Variants in GOLM2 observed in about 807,000 individuals in gnomAD.
GOLM2 encodes protein GOLM2.
A neutral mutation model predicts 55.9 loss-of-function variants in GOLM2; 26 were observed. The ratio of observed to expected loss-of-function variants is 0.47; its 90% CI spans 0.34 to 0.65. The LOEUF (loss-of-function observed/expected upper bound fraction) is 0.65. Among genes scored for constraint, GOLM2 ranks in the 30% least tolerant of loss-of-function variants. The pLI, the probability that GOLM2 is intolerant of heterozygous loss-of-function variation, is 0.01. For synonymous variants in GOLM2, 165 were observed against 194.6 expected (o/e 0.85, Z 1.27); for missense variants, 486 against 531.8 (o/e 0.91, Z 0.85).
At chr15:44,404,310 A>G (rs2079584073) in intron 9 of GOLM2, among the ~76,000 whole-genome samples, 3 of 152,122 alleles carry the variant, frequency 2.0e-5, no homozygotes, top group Non-Finnish European at 4.4e-5. Flanking sequence ...GTTCTAGAAA[A>G]TTATATGGTT....
At position 44,414,201 on chromosome 15, in the gene GOLM2, G is replaced by A. The variant is rs1263035327; in HGVS notation, c.*795G>A. On this transcript the variant is annotated 3_prime_UTR_variant, in exon 10 of 10. Coordinates refer to ENST00000299957, the MANE Select transcript of GOLM2 (RefSeq NM_138423.4). ...ATCTACCCCTCATTTCACGCTCAAG[G>A]AGTCATACCTAGAATAGTTACACAC... is the stretch of plus-strand genomic sequence containing the variant. 6.6e-6 allele frequency: 1 copy of A among 152,114 alleles called. No individual in the cohort carries two copies. The highest frequency in any genetic ancestry group is 1.5e-5 in the Non-Finnish European group (1 of 68,058). The allele number at this position is 152,114 out of a possible 1,614,324, so 9.4% of individuals were successfully genotyped here.
At chr15:44,379,226 C>G (rs1416656243) in intron 6 of GOLM2, among the ~76,000 whole-genome samples, 1 of 152,108 alleles carries the variant, frequency 6.6e-6, no homozygotes, top group Non-Finnish European at 1.5e-5. Context: ...CCTATAATCC[C>G]AGCACTTTGG....
intron 8 of GOLM2, among the ~76,000 whole-genome samples, chr15:44,391,868 G>C (rs2079492400): frequency 6.6e-6 from 1 of 151,772 alleles, no homozygotes; most frequent in African/African-American, 2.4e-5. Context: ...ATTTATTTTT[G>C]AGATGGAGTT....
chr15:44,289,412 G>A lies in GOLM2; in HGVS notation c.327+56G>A. ...ATGGTTTCTTTTCTCCCCGGGGTCT[G>A]GGGCGGGATGTTAATCCGCTAGCTG... is the stretch of plus-strand genomic sequence containing the variant. On this transcript the variant is annotated intron_variant, in intron 1 of 9. Transcript: ENST00000299957. This position sits in a 1 kb window ranked among gnomAD's most constrained non-coding sequence, Gnocchi z 4.8. The A allele has an allele frequency of 6.7e-7, 1 of 1,482,160 alleles. No homozygotes were observed. Among genetic ancestry groups the A allele is most frequent in the East Asian group, 2.4e-5 (1 of 41,418 alleles). The allele number at this position is 1,482,160 out of a possible 1,614,324, so 91.8% of individuals were successfully genotyped here. A position where few individuals can be genotyped will look rare whatever the true frequency, so the allele number is the denominator to read the frequency against.
At chr15:44,322,904 A>G in intron 1 of GOLM2, 61 bp from the exon 2 acceptor site, 1 of 1,239,506 alleles carries the variant, frequency 8.1e-7, no homozygotes, top group African/African-American at 1.5e-5. Flanking sequence ...GTGAATATGA[A>G]CCAAAAAAAT....
intron 8 of GOLM2, among the ~76,000 whole-genome samples, chr15:44,395,542 A>G (rs1158430085): frequency 1.3e-5 from 2 of 151,832 alleles, no homozygotes; most frequent in Non-Finnish European, 2.9e-5. Flanking sequence ...TTTACCAACA[A>G]TTTAAAACTA....
In GOLM2 at chr15:44,363,157, C is replaced by T. The variant is rs1471234633; in HGVS notation, c.803-16533C>T. Among the ~76,000 whole-genome samples, 6 of 152,118 alleles carry T rather than the reference C, an allele frequency of 3.9e-5. 1 individual carries two copies. The East Asian group carries it at 1.2e-3, about 29-fold the overall frequency. ...GGCAAGGACTTCATGTCTAAAACAC[C>T]AAAAGCAATGGCAACAAAAGCCAAA... On this transcript the variant is annotated intron_variant, in intron 6 of 9. Coordinates refer to ENST00000299957, the MANE Select transcript of GOLM2 (RefSeq NM_138423.4).
Position 44,370,915 on chromosome 15 carries a change from C to T in GOLM2, c.803-8775C>T, listed in dbSNP as rs181324623. Among the ~76,000 whole-genome samples, 9 of 152,284 alleles carry T rather than the reference C, an allele frequency of 5.9e-5. No homozygotes were observed. In the East Asian group the frequency reaches 1.7e-3, roughly 29 times the overall value. Reference sequence around the variant, plus strand: ...AGCTCAAGTGATCTCCCACCTTGGCCTCCCAAAGCACTGGGATTGCAGGGA... The same window carrying T: ...AGCTCAAGTGATCTCCCACCTTGGCTTCCCAAAGCACTGGGATTGCAGGGA... On this transcript the variant is annotated intron_variant, in intron 6 of 9. Coordinates refer to ENST00000299957, the MANE Select transcript of GOLM2 (RefSeq NM_138423.4).
intron 6 of GOLM2, among the ~76,000 whole-genome samples, chr15:44,356,714 A>G (rs2079200548): frequency 6.6e-6 from 1 of 152,224 alleles, no homozygotes; most frequent in African/African-American, 2.4e-5. Context: ...AATTCATTCT[A>G]TGATGCCATT....
At chr15:44,295,989 T>G (rs1436495080) in intron 1 of GOLM2, among the ~76,000 whole-genome samples, 1 of 151,630 alleles carries the variant, frequency 6.6e-6, no homozygotes, top group East Asian at 1.9e-4. Flanking sequence ...AAGTCCTTAT[T>G]TCTCTTTCCT....
rs532792917 is a variant in GOLM2 at position 44,347,910 on chromosome 15, C to G, written c.802+9593C>G. On this transcript the variant is annotated intron_variant, in intron 6 of 9. Coordinates refer to ENST00000299957, the MANE Select transcript of GOLM2 (RefSeq NM_138423.4). ...GGGTACCAAGTAGAGTTGTGAGACC[C>G]CTATTCCAGGCCCTAGATGCCTATA... 1.7e-3 allele frequency among the ~76,000 whole-genome samples: 255 copies of G among 152,228 alleles called. 1 individual carries two copies. Among genetic ancestry groups the G allele is most frequent in the African/African-American group, 5.9e-3 (247 of 41,540 alleles).
chr15:44,369,723 CAT>C (rs751103758), intron 6 of GOLM2, among the ~76,000 whole-genome samples: 13 of 140,544 alleles, frequency 9.2e-5, no homozygotes, highest in African/African-American at 3.1e-4. Flanking sequence ...CACACACACA[CAT>C]ATATATATAA....
intron 8 of GOLM2, among the ~76,000 whole-genome samples, chr15:44,382,625 C>A (rs1023244630): frequency 2.0e-5 from 3 of 152,010 alleles, no homozygotes; most frequent in Non-Finnish European, 4.4e-5. Flanking sequence ...CTGCTCCCGG[C>A]CAAGATTTTC....
At position 44,377,007 on chromosome 15, in the gene GOLM2, C is replaced by T. The variant is rs192305804; in HGVS notation, c.803-2683C>T. Among the ~76,000 whole-genome samples the T allele has an allele frequency of 4.9e-4, 74 of 152,224 alleles. No homozygotes were observed. In the East Asian group the frequency reaches 0.013, roughly 26 times the overall value. On this transcript the variant is annotated intron_variant, in intron 6 of 9. Coordinates refer to ENST00000299957, the MANE Select transcript of GOLM2 (RefSeq NM_138423.4). Reference sequence around the variant, plus strand: ...TAGAAATCAAAGTGTTTACAGGATACACACTGCTTTTTCTTATGTCAGTAA... The same window carrying T: ...TAGAAATCAAAGTGTTTACAGGATATACACTGCTTTTTCTTATGTCAGTAA...
chr15:44,393,417 C>T (rs138672602), intron 8 of GOLM2, among the ~76,000 whole-genome samples: 121 of 152,168 alleles, frequency 8.0e-4, no homozygotes, highest in African/African-American at 2.6e-3. Context: ...CAATTCCTCC[C>T]ATATTAATCT....
chr15:44,345,090 C>T (rs1243504007), intron 6 of GOLM2, among the ~76,000 whole-genome samples: 3 of 150,852 alleles, frequency 2.0e-5, no homozygotes, highest in African/African-American at 2.4e-5. Context: ...GAATTACAGG[C>T]GTGAGCCACC....
At chr15:44,379,858 A>C (rs530271669) in intron 7 of GOLM2, 70 bp downstream of exon 7, 48 of 847,472 alleles carry the variant, frequency 5.7e-5, no homozygotes, top group Admixed American at 2.1e-4. Context: ...TATAGTGTAT[A>C]AAATATATCA....
At chr15:44,353,623 G>A (rs2079178783) in intron 6 of GOLM2, among the ~76,000 whole-genome samples, 1 of 152,172 alleles carries the variant, frequency 6.6e-6, no homozygotes, top group South Asian at 2.1e-4. Flanking sequence ...CCTGTCATTT[G>A]TAACAACATG....
chr15:44,316,348 A>C (rs1021987561), intron 1 of GOLM2, among the ~76,000 whole-genome samples: 1 of 152,166 alleles, frequency 6.6e-6, no homozygotes, highest in African/African-American at 2.4e-5. Flanking sequence ...ATGAAAAAAC[A>C]GTGAACTATG....
Sources: allele counts gnomAD v4.1 joint callset (sites outside exome capture counted in the v4.1 genomes callset), GRCh38; gene constraint gnomAD v4.1.1; non-coding constraint Gnocchi (gnomAD v3.1); transcripts MANE v1.5; gene names NCBI Gene and HGNC (gene_info 2026-07-23, HGNC 2026-07-21).